The following KCNA6 variants were observed in gnomAD, a reference collection of about 807,000 sequenced individuals.
The protein encoded by KCNA6 is human brain potassium channel-2.
Under a neutral mutation model 29.5 loss-of-function variants are expected in KCNA6, and 17 were observed. The ratio of observed to expected loss-of-function variants is 0.58; its 90% CI spans 0.39 to 0.86. The LOEUF (loss-of-function observed/expected upper bound fraction) is 0.86. Ranked by LOEUF, KCNA6 falls within the 40% of genes least tolerant of loss-of-function variation. The probability of loss-of-function intolerance (pLI) is 0.00; values close to 1 mark genes in which losing one functional copy is unlikely to be tolerated. For missense variants in KCNA6, 450 were observed against 703.4 expected (o/e 0.64, Z 4.07); for synonymous variants, 296 against 304.7 (o/e 0.97, Z 0.30).
Position 4,811,742 on chromosome 12 carries a change from C to A in KCNA6, c.*111C>A. 1 of 1,257,060 alleles carries A rather than the reference C, an allele frequency of 8.0e-7. No individual in the cohort carries two copies. The highest frequency in any genetic ancestry group is 1.5e-5 in the African/African-American group (1 of 66,702). The allele number at this position is 1,257,060 out of a possible 1,614,324, so 77.9% of individuals were successfully genotyped here. ...TCAGTTGACTTCTTGACTCTCTCCC[C>A]TACACCCACTACCTGGCATCCAGGA... On this transcript the variant is annotated 3_prime_UTR_variant, in exon 1 of 1. Transcript: ENST00000280684. This position sits in a 1 kb window ranked among gnomAD's most constrained non-coding sequence, Gnocchi z 7.1.
At chr12:4,849,753 A>G in the KCNA6 span, among the ~76,000 whole-genome samples, 375 of 152,350 alleles carry the variant, frequency 2.5e-3, 7 homozygotes, top group East Asian at 0.043. Context: ...TTCCTTCTGC[A>G]GAAATCTATT....
At chr12:4,842,670 C>G in the KCNA6 span, 1 of 152,204 alleles carries the variant, frequency 6.6e-6, no homozygotes. Flanking sequence ...AATCAGATCT[C>G]ATGAGAACTC....
the KCNA6 span, among the ~76,000 whole-genome samples, chr12:4,832,594 T>C: frequency 6.6e-6 from 1 of 152,230 alleles, no homozygotes; most frequent in Admixed American, 6.5e-5. Flanking sequence ...ATTGAGACAC[T>C]GTTTTGTCCT....
chr12:4,827,206 C>CTCCTTCCT, the KCNA6 span, among the ~76,000 whole-genome samples: 29,131 of 113,540 alleles, frequency 0.26, 3,668 homozygotes, highest in Middle Eastern at 0.38. Context: ...CCTTCCTTCC[C>CTCCTTCCT]TCCTTCCTTC....
At chr12:4,828,259 C>A in the KCNA6 span, among the ~76,000 whole-genome samples, 1 of 152,314 alleles carries the variant, frequency 6.6e-6, no homozygotes, top group African/African-American at 2.4e-5. Flanking sequence ...CTAACTTTGT[C>A]TATGTCTGTA....
At chr12:4,847,440 T>C in the KCNA6 span, among the ~76,000 whole-genome samples, 1 of 152,126 alleles carries the variant, frequency 6.6e-6, no homozygotes. Flanking sequence ...AATTTCCTTA[T>C]TTTTTCTCTA....
At position 4,811,374 on chromosome 12, in the gene KCNA6, G is replaced by A; in HGVS notation, c.1333G>A (p.Ala445Thr). The A allele has an allele frequency of 6.2e-7, 1 of 1,614,116 alleles. No homozygotes were observed. The highest frequency in any genetic ancestry group is 8.5e-7 in the Non-Finnish European group (1 of 1,179,996). ...GATCGTGGGCTCGCTGTGTGCCATC[G>A]CTGGGGTCCTCACCATTGCCCTGCC... Residue 445 changes from alanine (A) to threonine (T), a missense_variant, in exon 1 of 1, where the codon GCT becomes ACT. Around this residue, in one of 7 missense-constraint regions of KCNA6, gnomAD observed 57 missense variants for 140.3 expected, o/e 0.41. Coordinates refer to ENST00000280684, the Ensembl canonical transcript of KCNA6. This position sits in a 1 kb window ranked among gnomAD's most constrained non-coding sequence, Gnocchi z 7.1.
chr12:4,825,421 T>A, the KCNA6 span, among the ~76,000 whole-genome samples: 1 of 152,330 alleles, frequency 6.6e-6, no homozygotes, highest in East Asian at 1.9e-4. Flanking sequence ...CTTACATTTT[T>A]AAAAATTTTT....
At chr12:4,816,260 GTGTGTGTGT>G, downstream of KCNA6, among the ~76,000 whole-genome samples, 1 of 100,072 alleles carries the variant, frequency 1.0e-5, no homozygotes, top group Non-Finnish European at 2.0e-5. Context: ...GTGTGTGTGT[GTGTGTGTGT>G]GTGTGTGTGT....
chr12:4,821,297 TC>T, the KCNA6 span, among the ~76,000 whole-genome samples: 1 of 152,106 alleles, frequency 6.6e-6, no homozygotes, highest in Non-Finnish European at 1.5e-5. Flanking sequence ...ATAGCTGTGT[TC>T]CCTGCAGAAG....
chr12:4,839,989 G>A, the KCNA6 span, among the ~76,000 whole-genome samples: 1 of 152,002 alleles, frequency 6.6e-6, no homozygotes, highest in South Asian at 2.1e-4. Flanking sequence ...TATTTTTAAT[G>A]ACTGTGTACT....
chr12:4,810,890 C>T lies in KCNA6; in HGVS notation c.849C>T (p.Ser283=), dbSNP rs1336442431. The change falls in exon 1 of 1, where the codon TCC becomes TCT. Residue 283 remains serine (S), a synonymous_variant. Transcript: ENST00000280684. This position sits in a 1 kb window ranked among gnomAD's most constrained non-coding sequence, Gnocchi z 7.5. ...CTTTTGAGCTCCTGGTGCGCTTCTCCGCCTGCCCTAGCAAGCCGGCCTTCT... is the reference window on the plus strand; with the variant it reads ...CTTTTGAGCTCCTGGTGCGCTTCTCTGCCTGCCCTAGCAAGCCGGCCTTCT... 2.5e-6 allele frequency: 4 copies of T among 1,613,860 alleles called. No individual in the cohort carries two copies. Among genetic ancestry groups the T allele is most frequent in the African/African-American group, 1.3e-5 (1 of 75,060 alleles).
chr12:4,840,994 G>A, the KCNA6 span, among the ~76,000 whole-genome samples: 2 of 152,228 alleles, frequency 1.3e-5, no homozygotes, highest in African/African-American at 4.8e-5. Context: ...GAACTTTAAA[G>A]AATATTTGGT....
At position 4,811,577 on chromosome 12, in the gene KCNA6, C is replaced by A. The variant is rs1591590489; in HGVS notation, c.1536C>A (p.Tyr512Ter). The stretch of plus-strand genomic sequence containing the variant: ...CTAACCGGGAACGGAGACCCAGCTA[C>A]CTTCCTACACCACATCGGGCCTATG... The change falls in exon 1 of 1, where the codon TAC (tyrosine) becomes TAA (stop). Residue 512 changes from tyrosine to a stop codon, truncating the protein, a stop_gained. Coordinates refer to ENST00000280684, the Ensembl canonical transcript of KCNA6. LOFTEE classifies it high-confidence loss of function. The surrounding 1 kb of genome is among the most constrained non-coding windows in gnomAD (Gnocchi z 7.1). 5 of 1,614,230 alleles carry A rather than the reference C, an allele frequency of 3.1e-6. No individual in the cohort carries two copies. The highest frequency in any genetic ancestry group is 4.2e-6 in the Non-Finnish European group (5 of 1,180,036).
the KCNA6 span, among the ~76,000 whole-genome samples, chr12:4,824,900 A>G: frequency 1.4e-3 from 220 of 152,380 alleles, 1 homozygote; most frequent in Middle Eastern, 6.8e-3. Flanking sequence ...CTCACTTAAT[A>G]TATCAATAGA....
the KCNA6 span, among the ~76,000 whole-genome samples, chr12:4,821,694 C>G: frequency 1.3e-5 from 2 of 152,150 alleles, no homozygotes; most frequent in Non-Finnish European, 2.9e-5. Context: ...AAGCAAAGGT[C>G]TGGGCTTGTT....
At chr12:4,848,283 G>T in the KCNA6 span, among the ~76,000 whole-genome samples, 8 of 152,154 alleles carry the variant, frequency 5.3e-5, no homozygotes, top group Admixed American at 3.9e-4. Context: ...AGCCTTTATA[G>T]GTTCCTGGGG....
Position 4,810,907 on chromosome 12 carries a change from C to T in KCNA6, c.866C>T (p.Pro289Leu). 1 of 1,614,182 alleles carries T rather than the reference C, an allele frequency of 6.2e-7. No homozygotes were observed. The highest frequency in any genetic ancestry group is 8.5e-7 in the Non-Finnish European group (1 of 1,180,014). Residue 289 changes from proline to leucine, a missense_variant, in exon 1 of 1, where the codon CCG (proline) becomes CTG (leucine). Coordinates refer to ENST00000280684, the Ensembl canonical transcript of KCNA6. This position sits in a 1 kb window ranked among gnomAD's most constrained non-coding sequence, Gnocchi z 7.5. ...CGCTTCTCCGCCTGCCCTAGCAAGC[C>T]GGCCTTCTTCCGGAACATCATGAAC...
At chr12:4,825,937 C>G in the KCNA6 span, among the ~76,000 whole-genome samples, 1 of 152,208 alleles carries the variant, frequency 6.6e-6, no homozygotes, top group Admixed American at 6.5e-5. Flanking sequence ...TTTACGATCA[C>G]TTTTCTAACT....
Sources: gnomAD v4.1 joint callset for allele counts (sites outside exome capture counted in the v4.1 genomes callset) on GRCh38, gnomAD v4.1.1 for gene constraint, gnomAD v4.1.1 regional missense constraint, Gnocchi (gnomAD v3.1) non-coding constraint, MANE v1.5 for transcripts, NCBI Gene and HGNC (gene_info 2026-07-23, HGNC 2026-07-21) for gene names.